CAMTA1: variants seen among roughly 807,000 people sequenced by gnomAD.
CAMTA1 encodes the protein calmodulin-binding transcription activator 1.
A neutral mutation model predicts 170.9 loss-of-function variants in CAMTA1; 27 were observed. The ratio of observed to expected loss-of-function variants is 0.16; its 90% CI spans 0.12 to 0.22. The LOEUF (loss-of-function observed/expected upper bound fraction) is 0.22, where lower values mean the gene tolerates loss of function less well. Ranked by LOEUF, CAMTA1 falls within the 10% of genes least tolerant of loss-of-function variation. The pLI, the probability that CAMTA1 is intolerant of heterozygous loss-of-function variation, is 1.00. For synonymous variants in CAMTA1, 833 were observed against 891.5 expected, an observed-to-expected ratio of 0.93 and a Z score of 1.17; for missense variants, 1,619 against 2,217.2, an observed-to-expected ratio of 0.73 and a Z score of 5.42.
At chr1:7,632,955 G>GT (rs1313657029) in intron 6 of CAMTA1, among the ~76,000 whole-genome samples, 1 of 152,228 alleles carries the variant, frequency 6.6e-6, no homozygotes, top group African/African-American at 2.4e-5. Flanking sequence ...ACTAGCCAGT[G>GT]TAAGTGACCT....
chr1:6,864,841 C>CTAT (rs1282868542), intron 3 of CAMTA1, among the ~76,000 whole-genome samples: 23 of 152,288 alleles, frequency 1.5e-4, no homozygotes, highest in African/African-American at 4.6e-4. Flanking sequence ...CGGAATTGTT[C>CTAT]CTCAGTGCTG....
chr1:6,811,631 T>C (rs1645174190), intron 1 of CAMTA1, among the ~76,000 whole-genome samples: 1 of 152,222 alleles, frequency 6.6e-6, no homozygotes, highest in African/African-American at 2.4e-5. Flanking sequence ...ATTAGAGCTG[T>C]GAGTAGTTTT....
intron 3 of CAMTA1, among the ~76,000 whole-genome samples, chr1:6,852,793 A>G (rs956450824): frequency 3.9e-5 from 6 of 152,204 alleles, no homozygotes; most frequent in Admixed American, 3.9e-4. Flanking sequence ...ATCATTGGCC[A>G]TTGGCCGTTG....
intron 3 of CAMTA1, among the ~76,000 whole-genome samples, chr1:7,071,944 G>A (rs1331255581): frequency 6.6e-6 from 1 of 152,182 alleles, no homozygotes; most frequent in African/African-American, 2.4e-5. Flanking sequence ...GTAGGATCAG[G>A]GTTTTGGGTG....
intron 3 of CAMTA1, among the ~76,000 whole-genome samples, chr1:6,981,647 G>A (rs757631584): frequency 2.6e-5 from 4 of 151,988 alleles, no homozygotes; most frequent in Non-Finnish European, 5.9e-5. Context: ...TGTTGCCTAG[G>A]GTGGTCTTAA....
chr1:7,071,852 G>T (rs1638690311), intron 3 of CAMTA1, among the ~76,000 whole-genome samples: 2 of 152,172 alleles, frequency 1.3e-5, no homozygotes, highest in Non-Finnish European at 2.9e-5. Context: ...CTGCCTGGGG[G>T]GCCATTATCC....
In CAMTA1 at chr1:7,663,999, C is replaced by T; in HGVS notation, c.1452C>T (p.Asp484=). The stretch of plus-strand genomic sequence containing the variant: ...TTCCAGAAACCACCATGAACTTTGA[C>T]CCCGACTGTTTCCTTAATAACCCAA... ...RKIPETTMNF[D]PDCFLNNPKQ... Residue 484 remains aspartate, a synonymous_variant, in exon 9 of 23, where the codon GAC becomes GAT. Coordinates refer to ENST00000303635, the MANE Select transcript of CAMTA1 (RefSeq NM_015215.4). The T allele has an allele frequency of 1.2e-6, 2 of 1,613,998 alleles. No individual in the cohort carries two copies. Among genetic ancestry groups the T allele is most frequent in the Non-Finnish European group, 1.7e-6 (2 of 1,180,044 alleles).
At chr1:7,021,865 T>C (rs1004732541) in intron 3 of CAMTA1, among the ~76,000 whole-genome samples, 1 of 152,144 alleles carries the variant, frequency 6.6e-6, no homozygotes, top group Non-Finnish European at 1.5e-5. Context: ...GGGGCATTTC[T>C]TTCTGGGGTT....
At chr1:7,145,515 A>C (rs963859946) in intron 4 of CAMTA1, among the ~76,000 whole-genome samples, 8 of 152,186 alleles carry the variant, frequency 5.3e-5, no homozygotes, top group Non-Finnish European at 1.0e-4. Context: ...CAGAGAAGCC[A>C]CTGGGCTTGG....
chr1:7,561,379 A>T lies in CAMTA1; in HGVS notation c.511-79021A>T, dbSNP rs2094954712. Among the ~76,000 whole-genome samples, 1 of 151,858 alleles carries T rather than the reference A, an allele frequency of 6.6e-6. No individual in the cohort carries two copies. Among genetic ancestry groups the T allele is most frequent in the Admixed American group, 6.5e-5 (1 of 15,278 alleles). On this transcript the variant is annotated intron_variant, in intron 6 of 22. Coordinates refer to ENST00000303635, the MANE Select transcript of CAMTA1 (RefSeq NM_015215.4). The surrounding 1 kb of genome is among the most constrained non-coding windows in gnomAD (Gnocchi z 5.3). ...ACAGGCAGAGAGGCCGGCGGGCAGC[A>T]GGCCAATGGGCCAGGCAGGTGGGGC...
intron 3 of CAMTA1, among the ~76,000 whole-genome samples, chr1:6,851,356 A>C (rs1468350799): frequency 6.6e-6 from 1 of 152,212 alleles, no homozygotes; most frequent in Non-Finnish European, 1.5e-5. Context: ...TTCAGAATGA[A>C]ATATGGAAAT....
chr1:7,104,221 AACACAACTACACACGTGTACACACAAC>A (rs1301017168), intron 4 of CAMTA1, among the ~76,000 whole-genome samples: 2 of 148,050 alleles, frequency 1.4e-5, no homozygotes, highest in Non-Finnish European at 3.0e-5. Context: ...ATGTACACAC[AACACAACTACACACGTGTACACACAAC>A]ACACATACAC....
Position 7,312,010 on chromosome 1 carries a change from T to C in CAMTA1, c.438+62384T>C, listed in dbSNP as rs540769735. Reference sequence around the variant, plus strand: ...ATAAACAATTTTGTGAGATTTTCCCTCTCCACCATCTCCTTGGGCCTCTCT... The same window carrying C: ...ATAAACAATTTTGTGAGATTTTCCCCCTCCACCATCTCCTTGGGCCTCTCT... On this transcript the variant is annotated intron_variant, in intron 5 of 22. Transcript: ENST00000303635. Among the ~76,000 whole-genome samples, 3 of 152,246 alleles carry C rather than the reference T, an allele frequency of 2.0e-5. No homozygotes were observed. In the South Asian group the frequency reaches 6.2e-4, roughly 32 times the overall value.
chr1:7,577,366 C>G (rs1340084466), intron 6 of CAMTA1, among the ~76,000 whole-genome samples: 1 of 152,138 alleles, frequency 6.6e-6, no homozygotes, highest in Non-Finnish European at 1.5e-5. Flanking sequence ...CCTCTCCCAG[C>G]CCCTCAGGAG....
chr1:7,354,969 AG>A (rs914583957), intron 5 of CAMTA1, among the ~76,000 whole-genome samples: 57 of 152,060 alleles, frequency 3.7e-4, no homozygotes, highest in African/African-American at 1.3e-3. Context: ...AGGAAGGCTG[AG>A]GGGGGTGGAT....
chr1:7,480,906 A>T (rs1290865858), intron 6 of CAMTA1, among the ~76,000 whole-genome samples: 4 of 152,118 alleles, frequency 2.6e-5, no homozygotes, highest in African/African-American at 9.7e-5. Flanking sequence ...CAGAATCTGC[A>T]TCTCCAACTT....
intron 3 of CAMTA1, among the ~76,000 whole-genome samples, chr1:7,042,403 G>A (rs938816904): frequency 1.3e-5 from 2 of 152,194 alleles, no homozygotes; most frequent in African/African-American, 4.8e-5. Flanking sequence ...TTCCAGTGGG[G>A]GGAAAGGAGC....
chr1:6,828,656 A>G (rs1270271348), intron 3 of CAMTA1, among the ~76,000 whole-genome samples: 1 of 151,904 alleles, frequency 6.6e-6, no homozygotes, highest in African/African-American at 2.4e-5. Flanking sequence ...ATTATTTGTA[A>G]GCCTTAAAAT....
At chr1:7,722,062 G>A (rs1167259255) in intron 11 of CAMTA1, among the ~76,000 whole-genome samples, 4 of 152,220 alleles carry the variant, frequency 2.6e-5, no homozygotes, top group Non-Finnish European at 5.9e-5. Context: ...AGTAGGTGCT[G>A]CTGGGGCCTG....
Sources: allele counts gnomAD v4.1 joint callset (sites outside exome capture counted in the v4.1 genomes callset), GRCh38; gene constraint gnomAD v4.1.1; non-coding constraint Gnocchi (gnomAD v3.1); transcripts MANE v1.5; gene names NCBI Gene and HGNC (gene_info 2026-07-23, HGNC 2026-07-21).